Variants in CMIP observed in about 807,000 individuals in gnomAD.
The protein encoded by CMIP is C-Maf-inducing protein.
Under a neutral mutation model 97.3 loss-of-function variants are expected in CMIP, and 13 were observed. That is an observed-to-expected ratio of 0.13 (90% CI 0.09 to 0.21). The LOEUF is 0.21. Ranked by LOEUF, CMIP falls within the 10% of genes least tolerant of loss-of-function variation. The pLI is 1.00. For synonymous variants in CMIP, 538 were observed against 436.3 expected (o/e 1.23, Z -2.91); for missense variants, 847 against 1,024.9 (o/e 0.83, Z 2.37).
chr16:81,664,471 G>T, intron 7 of CMIP, 122 bp downstream of exon 7: 1 of 870,910 alleles, frequency 1.1e-6, no homozygotes, highest in Non-Finnish European at 1.7e-6. Context: ...TGACAGCCAG[G>T]AACTGGGGTT....
In CMIP at chr16:81,543,168, C is replaced by G. The variant is rs142252491; in HGVS notation, c.301-64399C>G. Among the ~76,000 whole-genome samples the G allele has an allele frequency of 4.3e-3, 648 of 152,278 alleles. 2 individuals carry two copies. The highest frequency in any genetic ancestry group is 0.024 in the Middle Eastern group (7 of 294). On this transcript the variant is annotated intron_variant, in intron 1 of 20. Transcript: ENST00000537098. ...GTGTGGCCTTGAAGTTGCTTCGCTC[C>G]AGGTGAGCGCATCTGAGAGGTGGGC...
intron 1 of CMIP, among the ~76,000 whole-genome samples, chr16:81,478,299 A>G (rs1908052945): frequency 6.6e-6 from 1 of 152,224 alleles, no homozygotes; most frequent in African/African-American, 2.4e-5. Flanking sequence ...AGGGAGTGGT[A>G]AGGTATCAGC....
chr16:81,656,451 G>A (rs1017159601), intron 4 of CMIP, among the ~76,000 whole-genome samples: 2 of 152,174 alleles, frequency 1.3e-5, no homozygotes, highest in African/African-American at 4.8e-5. Flanking sequence ...TGGCACCACT[G>A]TGTGTCCACC....
intron 15 of CMIP, 44 bp downstream of exon 15, chr16:81,699,845 G>A (rs749217517): frequency 2.0e-5 from 27 of 1,330,710 alleles, no homozygotes; most frequent in African/African-American, 2.9e-5. Context: ...CTGGCTCCCC[G>A]TCCCTTGTCC....
At chr16:81,479,039 T>C (rs911236101) in intron 1 of CMIP, among the ~76,000 whole-genome samples, 37 of 152,190 alleles carry the variant, frequency 2.4e-4, no homozygotes, top group Admixed American at 8.5e-4. Context: ...CCTCAGGCAC[T>C]CGAGTGGGAA....
chr16:81,472,843 C>T (rs555462834), intron 1 of CMIP, among the ~76,000 whole-genome samples: 41 of 152,276 alleles, frequency 2.7e-4, no homozygotes, highest in Non-Finnish European at 5.4e-4. Context: ...AGGGGCACAT[C>T]GTGGCATCTG....
chr16:81,621,732 G>A lies in CMIP; in HGVS notation c.477+806G>A, dbSNP rs1436824568. The A allele has an allele frequency of 1.3e-5, 2 of 152,694 alleles. No individual in the cohort carries two copies. The highest frequency in any genetic ancestry group is 2.9e-5 in the Non-Finnish European group (2 of 68,080). The allele number at this position is 152,694 out of a possible 1,614,324, so 9.5% of individuals were successfully genotyped here. ...TTACAGTAAGCTGGGGAGCCACAGG[G>A]GATGAACAGCTGGCCCCATGCAGAG... On this transcript the variant is annotated intron_variant, in intron 3 of 20. Coordinates refer to ENST00000537098, the MANE Select transcript of CMIP (RefSeq NM_198390.3). The surrounding 1 kb of genome is among the most constrained non-coding windows in gnomAD (Gnocchi z 4.1).
At chr16:81,516,053 G>A (rs889426744) in intron 1 of CMIP, among the ~76,000 whole-genome samples, 24 of 152,184 alleles carry the variant, frequency 1.6e-4, no homozygotes, top group African/African-American at 5.8e-4. Flanking sequence ...GCTTCCTGCT[G>A]TTGCTAATCT....
At position 81,547,252 on chromosome 16, in the gene CMIP, G is replaced by A. The variant is rs796701974; in HGVS notation, c.301-60315G>A. 1.4e-4 allele frequency among the ~76,000 whole-genome samples: 21 copies of A among 152,322 alleles called. No individual in the cohort carries two copies. The South Asian group carries it at 1.7e-3, about 12-fold the overall frequency. On this transcript the variant is annotated intron_variant, in intron 1 of 20. Transcript: ENST00000537098. Reference sequence around the variant, plus strand: ...GAAAGAGAGACGGAAGGGGTTCAGCGCGGCTGGGTCGTAGACCATGTCATG... The same window carrying A: ...GAAAGAGAGACGGAAGGGGTTCAGCACGGCTGGGTCGTAGACCATGTCATG...
intron 1 of CMIP, among the ~76,000 whole-genome samples, chr16:81,568,425 G>A (rs2091023189): frequency 6.6e-6 from 1 of 152,288 alleles, no homozygotes. Context: ...CTCAAAGTCC[G>A]TGGGCCGTGT....
intron 1 of CMIP, among the ~76,000 whole-genome samples, chr16:81,595,665 A>T (rs2091543612): frequency 6.6e-6 from 1 of 152,174 alleles, no homozygotes; most frequent in Non-Finnish European, 1.5e-5. Context: ...CCAGGATTAC[A>T]GGCATGAGCC....
chr16:81,452,895 T>G lies in CMIP; in HGVS notation c.300+7354T>G, dbSNP rs1240278417. 1.3e-3 allele frequency among the ~76,000 whole-genome samples: 192 copies of G among 149,470 alleles called. 6 individuals are homozygous for G. The East Asian group carries it at 0.034, about 27-fold the overall frequency. ...TTTTTTTTTTGTTTTGTTTTTTTTT[T>G]TTTTTTTTTGCAAACCTGGCTGCCT... On this transcript the variant is annotated intron_variant, in intron 1 of 20. Coordinates refer to ENST00000537098, the MANE Select transcript of CMIP (RefSeq NM_198390.3).
At chr16:81,488,116 A>G (rs199824631) in intron 1 of CMIP, among the ~76,000 whole-genome samples, 1 of 152,000 alleles carries the variant, frequency 6.6e-6, no homozygotes, top group African/African-American at 2.4e-5. Flanking sequence ...CATGACTTTT[A>G]TTTTATTGGC....
rs1459094158 is a variant in CMIP, at chr16:81,678,330, G to A, written c.1090G>A (p.Asp364Asn). 5 of 1,610,860 alleles carry A rather than the reference G, an allele frequency of 3.1e-6. No homozygotes were observed. Among genetic ancestry groups the A allele is most frequent in the Non-Finnish European group, 4.2e-6 (5 of 1,178,134 alleles). Residue 364 changes from aspartate to asparagine, a missense_variant, in exon 10 of 21, where the codon GAC (aspartate) becomes AAC (asparagine). This residue lies in a region of CMIP where 202 missense variants were observed against 168.7 expected (regional missense o/e 1.20). Coordinates refer to ENST00000537098, the MANE Select transcript of CMIP (RefSeq NM_198390.3). ...CCGGAACGGCTGCCAGCAGCCGTGC[G>A]ACCGGAAGCCCACTTTACCTCTGCG... ...EIRNGCQQPC[D>N]RKPTLPLRLL...
In CMIP at chr16:81,641,136, C is replaced by T. The variant is rs529100019; in HGVS notation, c.478-11067C>T. 6.6e-5 allele frequency among the ~76,000 whole-genome samples: 10 copies of T among 152,328 alleles called. No homozygotes were observed. The East Asian group carries it at 7.7e-4, about 12-fold the overall frequency. On this transcript the variant is annotated intron_variant, in intron 3 of 20. Coordinates refer to ENST00000537098, the MANE Select transcript of CMIP (RefSeq NM_198390.3). Reference sequence around the variant, plus strand: ...TCGCCCAGCTCTGCTGAGCTGGAATCTGCATGGTAACCAGACCCCCAGGCA... The same window carrying T: ...TCGCCCAGCTCTGCTGAGCTGGAATTTGCATGGTAACCAGACCCCCAGGCA...
chr16:81,705,702 CAGAT>C (rs1227542363), intron 19 of CMIP, 98 bp downstream of exon 19: 3 of 720,424 alleles, frequency 4.2e-6, no homozygotes, highest in Non-Finnish European at 6.9e-6. Context: ...GCACCATGCA[CAGAT>C]AGAGAAATTC....
chr16:81,456,948 C>T lies in CMIP; in HGVS notation c.300+11407C>T, dbSNP rs12596103. On this transcript the variant is annotated intron_variant, in intron 1 of 20. Coordinates refer to ENST00000537098, the MANE Select transcript of CMIP (RefSeq NM_198390.3). The stretch of plus-strand genomic sequence containing the variant: ...AGCCGTGGCAGAGGATCGCTTCTCA[C>T]CTGCCCTCGTTGAACCTGGGGTGGT... Among the ~76,000 whole-genome samples, 2,551 of 152,278 alleles carry T rather than the reference C, an allele frequency of 0.017. 179 individuals are homozygous for T. The East Asian group carries it at 0.26, about 15-fold the overall frequency.
chr16:81,699,819 G>A lies in CMIP; in HGVS notation c.1755+18G>A. ...TGGTGGAGGTAAGGAGCTGGTCGGG[G>A]TCCCTGGTGGGGTGGCTGGCTCCCC... On this transcript the variant is annotated intron_variant, in intron 15 of 20. Transcript: ENST00000537098. 1.3e-6 allele frequency: 2 copies of A among 1,552,814 alleles called. No homozygotes were observed. The highest frequency in any genetic ancestry group is 1.8e-6 in the Non-Finnish European group (2 of 1,129,002).
rs773716334 is a variant in CMIP, at chr16:81,693,428, G to C, written c.1482-11G>C. ...CCCCGGCAGTAACTCCGGCCGCCTC[G>C]TCTCTTCCAGGGAACTGAAGTACGT... On this transcript the variant is annotated splice_polypyrimidine_tract_variant and intron_variant, in intron 12 of 20. Coordinates refer to ENST00000537098, the MANE Select transcript of CMIP (RefSeq NM_198390.3). 2.5e-6 allele frequency: 4 copies of C among 1,610,354 alleles called. No homozygotes were observed. The highest frequency in any genetic ancestry group is 3.4e-6 in the Non-Finnish European group (4 of 1,178,386).
Sources: allele counts gnomAD v4.1 joint callset (sites outside exome capture counted in the v4.1 genomes callset), GRCh38; gene constraint gnomAD v4.1.1; regional missense constraint gnomAD v4.1.1; non-coding constraint Gnocchi (gnomAD v3.1); transcripts MANE v1.5; gene names NCBI Gene and HGNC (gene_info 2026-07-23, HGNC 2026-07-21).